KANK2: variants seen among roughly 807,000 people sequenced by gnomAD.
KANK2 encodes the protein KN motif and ankyrin repeat domains 2.
Under a neutral mutation model 74.6 loss-of-function variants are expected in KANK2, and 41 were observed. The ratio of observed to expected loss-of-function variants is 0.55; its 90% CI spans 0.43 to 0.71. The LOEUF is 0.71. Among genes scored for constraint, KANK2 ranks in the 30% least tolerant of loss-of-function variants. The pLI is 0.00. For missense variants in KANK2, 1,148 were observed against 1,196.4 expected, an observed-to-expected ratio of 0.96 and a Z score of 0.60; for synonymous variants, 537 against 519.0, an observed-to-expected ratio of 1.03 and a Z score of -0.47.
Position 11,173,098 on chromosome 19 carries a change from G to A in KANK2, c.2094C>T (p.Asn698=), listed in dbSNP as rs755900841. 1.2e-6 allele frequency: 2 copies of A among 1,613,864 alleles called. No individual in the cohort carries two copies. The highest frequency in any genetic ancestry group is 3.3e-5 in the Admixed American group (2 of 59,936). The stretch of plus-strand genomic sequence containing the variant: ...GCATAATAGGGCTGTAGCCAGCACG[G>A]TTCTGTTTGTCCACCTTGCAGACAC... ...DSGVCKVDKQ[N]RAGYSPIMLT... is the part of the protein sequence containing the mutation. The change falls in exon 10 of 13, where the codon AAC becomes AAT. Residue 698 remains asparagine, a synonymous_variant. Transcript: ENST00000586659.
At chr19:11,183,984 T>C (rs1437841170) in intron 4 of KANK2, among the ~76,000 whole-genome samples, 2 of 152,122 alleles carry the variant, frequency 1.3e-5, no homozygotes, top group African/African-American at 4.8e-5. Context: ...AGTGTTGAGA[T>C]TACAGGTGTG....
rs143966820 is a variant in KANK2 at position 11,193,030 on chromosome 19, G to C, written c.1050C>G (p.Pro350=). The C allele has an allele frequency of 7.3e-5, 118 of 1,612,338 alleles. 1 individual carries two copies. The highest frequency in any genetic ancestry group is 1.7e-4 in the Middle Eastern group (1 of 6,044). The part of the protein sequence containing the change: ...EVVASTAAGA[P]AQRAQSLEPY... ...GCTCCAGGCTCTGGGCCCGCTGTGCGGGGGCGCCAGCGGCTGTGCTGGCCA... is the reference window on the plus strand; with the variant it reads ...GCTCCAGGCTCTGGGCCCGCTGTGCCGGGGCGCCAGCGGCTGTGCTGGCCA... The change falls in exon 4 of 13, where the codon CCC becomes CCG. Residue 350 remains proline, a synonymous_variant. Coordinates refer to ENST00000586659, the MANE Select transcript of KANK2 (RefSeq NM_001136191.3). This position sits in a 1 kb window ranked among gnomAD's most constrained non-coding sequence, Gnocchi z 9.6.
intron 2 of KANK2, 112 bp from the exon 3 acceptor site, chr19:11,194,702 G>T: frequency 3.6e-6 from 2 of 561,010 alleles, no homozygotes; most frequent in Non-Finnish European, 6.5e-6. Flanking sequence ...CCAGGTCTGG[G>T]ACCCACTCAT....
rs779407417 is a variant in KANK2 at position 11,170,532 on chromosome 19, C to T, written c.2212-284G>A. 2.5e-4 allele frequency: 126 copies of T among 511,158 alleles called. No individual in the cohort carries two copies. The highest frequency in any genetic ancestry group is 1.6e-3 in the Middle Eastern group (3 of 1,890). 31.7% of individuals were successfully genotyped at this position (511,158 alleles called of 1,614,324 possible). On this transcript the variant is annotated intron_variant, in intron 10 of 12. Coordinates refer to ENST00000586659, the MANE Select transcript of KANK2 (RefSeq NM_001136191.3). This position sits in a 1 kb window ranked among gnomAD's most constrained non-coding sequence, Gnocchi z 5.2. The stretch of plus-strand genomic sequence containing the variant: ...GTGAAGAGAACGTTCTGGAACTAGA[C>T]GGAGGTGTTGGTTGCACAACAGGGT...
chr19:11,184,523 A>G (rs1195883227), intron 4 of KANK2, among the ~76,000 whole-genome samples: 4 of 150,230 alleles, frequency 2.7e-5, no homozygotes. Flanking sequence ...GATAGCAAAC[A>G]TTTTTGGTTA....
At chr19:11,172,940 G>C in intron 10 of KANK2, 41 bp downstream of exon 10, 1 of 1,599,450 alleles carries the variant, frequency 6.3e-7, no homozygotes. Flanking sequence ...TCATAAAGTA[G>C]GAAGAGCCAC....
chr19:11,172,957 C>G, intron 10 of KANK2, 24 bp downstream of exon 10: 1 of 1,607,854 alleles, frequency 6.2e-7, no homozygotes, highest in Non-Finnish European at 8.5e-7. Context: ...CCACCTGGAT[C>G]TGCAGCAGCC....
intron 4 of KANK2, among the ~76,000 whole-genome samples, chr19:11,182,753 G>A (rs2078563373): frequency 7.3e-6 from 1 of 137,620 alleles, no homozygotes; most frequent in African/African-American, 2.7e-5. Flanking sequence ...TGAGGCAGGA[G>A]AATCGCTTGA....
At chr19:11,176,054 A>G (rs2078327779) in intron 7 of KANK2, 65 bp from the exon 8 acceptor site, 3 of 1,257,374 alleles carry the variant, frequency 2.4e-6, no homozygotes, top group Non-Finnish European at 2.3e-6. Context: ...AAGGGACTTG[A>G]CATTCTGCAC....
chr19:11,182,660 G>A lies in KANK2; in HGVS notation c.1250-3940C>T, dbSNP rs112710861. ...AGATCGAGACCATCCTGGCTAACAC[G>A]GTGAAACCCCATCTCTACTAAAAAT... On this transcript the variant is annotated intron_variant, in intron 4 of 12. Transcript: ENST00000586659. 5.2e-3 allele frequency among the ~76,000 whole-genome samples: 780 copies of A among 151,370 alleles called. 2 individuals carry two copies. Among genetic ancestry groups the A allele is most frequent in the Non-Finnish European group, 8.6e-3 (581 of 67,828 alleles).
Position 11,193,545 on chromosome 19 carries a change from G to T in KANK2, c.535C>A (p.Pro179Thr), listed in dbSNP as rs757704657. 6.2e-7 allele frequency: 1 copy of T among 1,605,130 alleles called. No individual in the cohort carries two copies. Among genetic ancestry groups the T allele is most frequent in the Non-Finnish European group, 8.5e-7 (1 of 1,179,102 alleles). Residue 179 changes from proline to threonine, a missense_variant, in exon 4 of 13, where the codon CCT (proline) becomes ACT (threonine). Transcript: ENST00000586659. This position sits in a 1 kb window ranked among gnomAD's most constrained non-coding sequence, Gnocchi z 9.6. ...PRSSGLSTPV[P>T]PSAGHLAHVR... Reference sequence around the variant, plus strand: ...TGGGCCAGGTGCCCGGCACTGGGAGGCACCGGTGTGGACAGTCCTGAACTC... The same window carrying T: ...TGGGCCAGGTGCCCGGCACTGGGAGTCACCGGTGTGGACAGTCCTGAACTC...
chr19:11,167,194 T>C (rs1158953395), intron 12 of KANK2, among the ~76,000 whole-genome samples: 1 of 151,950 alleles, frequency 6.6e-6, no homozygotes, highest in Admixed American at 6.6e-5. Flanking sequence ...GCCTCCTTAG[T>C]AGCTGGGATT....
intron 4 of KANK2, among the ~76,000 whole-genome samples, chr19:11,181,266 T>A (rs1428554303): frequency 1.4e-5 from 2 of 145,572 alleles, no homozygotes; most frequent in Non-Finnish European, 3.1e-5. Flanking sequence ...TATTATTATT[T>A]GATACAGTCT....
intron 8 of KANK2, 68 bp downstream of exon 8, chr19:11,175,834 G>A (rs2078319477): frequency 1.8e-6 from 2 of 1,141,674 alleles, no homozygotes; most frequent in African/African-American, 1.5e-5. Context: ...AGGATGAGGA[G>A]AGGCCACGGG....
intron 8 of KANK2, among the ~76,000 whole-genome samples, chr19:11,175,351 C>T (rs576145461): frequency 7.3e-6 from 1 of 137,084 alleles, no homozygotes; most frequent in South Asian, 2.3e-4. Flanking sequence ...TTGCTTGAAC[C>T]TGGGAGGCAG....
chr19:11,182,390 C>T (rs1407430726), intron 4 of KANK2, among the ~76,000 whole-genome samples: 4 of 151,678 alleles, frequency 2.6e-5, no homozygotes, highest in South Asian at 4.2e-4. Flanking sequence ...TGGTGGAGTG[C>T]GCCTATAGTT....
Position 11,193,294 on chromosome 19 carries a change from C to T in KANK2, c.786G>A (p.Leu262=), listed in dbSNP as rs2078911168. 6.2e-7 allele frequency: 1 copy of T among 1,612,176 alleles called. No homozygotes were observed. The highest frequency in any genetic ancestry group is 1.1e-5 in the South Asian group (1 of 91,066). The part of the protein sequence containing the change: ...LPDPPEDPVA[L]ETRSVGTWVR... ...CCCAGGTGCCCACACTCCGGGTCTC[C>T]AGTGCCACTGGGTCCTCTGGGGGAT... The change falls in exon 4 of 13, where the codon CTG becomes CTA. Residue 262 remains leucine (L), a synonymous_variant. Coordinates refer to ENST00000586659, the MANE Select transcript of KANK2 (RefSeq NM_001136191.3). The surrounding 1 kb of genome is among the most constrained non-coding windows in gnomAD (Gnocchi z 9.6).
In KANK2 at chr19:11,170,726, G is replaced by A. The variant is rs1383685631; in HGVS notation, c.2212-478C>T. 1.3e-5 allele frequency among the ~76,000 whole-genome samples: 2 copies of A among 152,188 alleles called. No individual in the cohort carries two copies. Among genetic ancestry groups the A allele is most frequent in the East Asian group, 3.8e-4 (2 of 5,196 alleles). Reference sequence around the variant, plus strand: ...CCACCTCAGCCTCCCGAGTAGCTGAGACTACAGGCATGCGCCACAATGCCT... The same window carrying A: ...CCACCTCAGCCTCCCGAGTAGCTGAAACTACAGGCATGCGCCACAATGCCT... On this transcript the variant is annotated intron_variant, in intron 10 of 12. Coordinates refer to ENST00000586659, the MANE Select transcript of KANK2 (RefSeq NM_001136191.3). The surrounding 1 kb of genome is among the most constrained non-coding windows in gnomAD (Gnocchi z 5.2).
intron 4 of KANK2, among the ~76,000 whole-genome samples, chr19:11,180,754 A>G (rs2078490612): frequency 6.6e-6 from 1 of 152,138 alleles, no homozygotes; most frequent in Non-Finnish European, 1.5e-5. Flanking sequence ...CAGATTCACA[A>G]TCTCAATCTC....
Sources: gnomAD v4.1 joint callset for allele counts (sites outside exome capture counted in the v4.1 genomes callset) on GRCh38, gnomAD v4.1.1 for gene constraint, Gnocchi (gnomAD v3.1) non-coding constraint, MANE v1.5 for transcripts, NCBI Gene and HGNC (gene_info 2026-07-23, HGNC 2026-07-21) for gene names.